The following TSPAN9 variants were observed in gnomAD, a reference collection of about 807,000 sequenced individuals.
TSPAN9 encodes the protein tetraspanin-9.
Under a neutral mutation model 31.0 loss-of-function variants are expected in TSPAN9, and 16 were observed. The ratio of observed to expected loss-of-function variants is 0.52; its 90% CI spans 0.35 to 0.78. The LOEUF is 0.78. TSPAN9 is among the 30% of genes least tolerant of loss of function. The probability of loss-of-function intolerance (pLI) is 0.01; values close to 1 mark genes in which losing one functional copy is unlikely to be tolerated. For synonymous variants in TSPAN9, 145 were observed against 121.6 expected (o/e 1.19, Z -1.27); for missense variants, 272 against 312.5 (o/e 0.87, Z 0.98).
intron 2 of TSPAN9, among the ~76,000 whole-genome samples, chr12:3,155,068 G>C (rs2098341550): frequency 6.6e-6 from 1 of 151,908 alleles, no homozygotes; most frequent in Non-Finnish European, 1.5e-5. Context: ...CTGATTTTTG[G>C]GTAAAATCTC....
chr12:3,140,306 T>G (rs899629384), intron 2 of TSPAN9, among the ~76,000 whole-genome samples: 1 of 152,012 alleles, frequency 6.6e-6, no homozygotes. Flanking sequence ...CAAGGAAACT[T>G]GTAGGGATTT....
intron 3 of TSPAN9, among the ~76,000 whole-genome samples, chr12:3,202,393 T>G (rs1383585955): frequency 6.6e-6 from 1 of 152,174 alleles, no homozygotes; most frequent in East Asian, 1.9e-4. Flanking sequence ...CATTCAGCTT[T>G]TGTGTGGAGT....
At chr12:3,104,944 G>T (rs1248004717) in intron 2 of TSPAN9, among the ~76,000 whole-genome samples, 1 of 152,206 alleles carries the variant, frequency 6.6e-6, no homozygotes, top group Non-Finnish European at 1.5e-5. Flanking sequence ...TGATGGGCAG[G>T]GGGACCCTGT....
rs1314949556 is a variant in TSPAN9, at chr12:3,283,189, G to C, written c.*73G>C. 1.3e-6 allele frequency: 2 copies of C among 1,512,898 alleles called. No homozygotes were observed. Among genetic ancestry groups the C allele is most frequent in the African/African-American group, 2.7e-5 (2 of 73,062 alleles). 93.7% of individuals were successfully genotyped at this position (1,512,898 alleles called of 1,614,324 possible). ...AAGAGGATTGAGCTTTGTGTCACCT[G>C]CCTGCGCTCTCCAGATATGACCCCT... On this transcript the variant is annotated 3_prime_UTR_variant, in exon 9 of 9. Transcript: ENST00000011898.
At chr12:3,090,238 C>T (rs1163895746) in intron 2 of TSPAN9, among the ~76,000 whole-genome samples, 2 of 152,190 alleles carry the variant, frequency 1.3e-5, no homozygotes, top group African/African-American at 2.4e-5. Context: ...CGCAGACTTG[C>T]TGAATGGATT....
intron 3 of TSPAN9, 22 bp downstream of exon 3, chr12:3,201,278 T>C (rs766260176): frequency 1.2e-6 from 2 of 1,610,078 alleles, no homozygotes; most frequent in Non-Finnish European, 1.7e-6. Context: ...CGTTTCTCTC[T>C]CCCTTCGCCC....
At chr12:3,181,447 G>A (rs2098358550) in intron 2 of TSPAN9, among the ~76,000 whole-genome samples, 1 of 152,098 alleles carries the variant, frequency 6.6e-6, no homozygotes, top group Non-Finnish European at 1.5e-5. Context: ...CACCTCATCC[G>A]CATCTCTCAG....
intron 2 of TSPAN9, among the ~76,000 whole-genome samples, chr12:3,153,017 G>A (rs532523680): frequency 1.3e-5 from 2 of 152,244 alleles, no homozygotes; most frequent in Non-Finnish European, 2.9e-5. Context: ...TGCTCAGTGC[G>A]AACGCTGAGC....
intron 2 of TSPAN9, among the ~76,000 whole-genome samples, chr12:3,145,140 C>T (rs977629078): frequency 2.6e-5 from 4 of 152,184 alleles, no homozygotes; most frequent in Non-Finnish European, 5.9e-5. Context: ...TGCAGCAGCC[C>T]TCGGCGTCCT....
intron 2 of TSPAN9, among the ~76,000 whole-genome samples, chr12:3,108,455 G>A (rs2098315780): frequency 6.6e-6 from 1 of 152,164 alleles, no homozygotes; most frequent in Admixed American, 6.5e-5. Flanking sequence ...AGGTAGCATG[G>A]CTTTTCTCTC....
chr12:3,100,890 A>G (rs191854156), intron 2 of TSPAN9, among the ~76,000 whole-genome samples: 6 of 152,338 alleles, frequency 3.9e-5, no homozygotes, highest in Admixed American at 1.3e-4. Flanking sequence ...TAGGTGGCCA[A>G]TGTTTGTTGA....
intron 3 of TSPAN9, among the ~76,000 whole-genome samples, chr12:3,243,643 C>T (rs551646576): frequency 2.0e-5 from 3 of 152,250 alleles, no homozygotes; most frequent in Admixed American, 1.3e-4. Flanking sequence ...AGGCATCGGC[C>T]CTCCTGCTGT....
At chr12:3,133,842 T>G (rs759495364) in intron 2 of TSPAN9, among the ~76,000 whole-genome samples, 3 of 152,168 alleles carry the variant, frequency 2.0e-5, no homozygotes, top group Non-Finnish European at 2.9e-5. Flanking sequence ...CATCACCTCT[T>G]GATCACCCAC....
At chr12:3,242,457 G>A (rs1216984956) in intron 3 of TSPAN9, among the ~76,000 whole-genome samples, 2 of 152,352 alleles carry the variant, frequency 1.3e-5, no homozygotes, top group Non-Finnish European at 1.5e-5. Flanking sequence ...GCAATAGCCT[G>A]GACATGTGAC....
Position 3,080,625 on chromosome 12 carries a change from C to A in TSPAN9, c.-84-3028C>A, listed in dbSNP as rs189740826. ...TGCTGGGATTACAAGCATGAGCCAC[C>A]GCGCCTGGCAAATGTAAAATCTTAA... is the stretch of plus-strand genomic sequence containing the variant. On this transcript the variant is annotated intron_variant, in intron 1 of 8. Coordinates refer to ENST00000011898, the MANE Select transcript of TSPAN9 (RefSeq NM_006675.5). 2.9e-4 allele frequency among the ~76,000 whole-genome samples: 44 copies of A among 152,310 alleles called. No homozygotes were observed. In the East Asian group the frequency reaches 7.1e-3, roughly 25 times the overall value.
At chr12:3,234,388 C>G (rs952483966) in intron 3 of TSPAN9, among the ~76,000 whole-genome samples, 2 of 152,162 alleles carry the variant, frequency 1.3e-5, no homozygotes, top group African/African-American at 4.8e-5. Context: ...GCCTTGAGGG[C>G]AGGGCCTTTG....
Position 3,241,685 on chromosome 12 carries a change from G to C in TSPAN9, c.64-36736G>C, listed in dbSNP as rs1402380450. 2.0e-5 allele frequency among the ~76,000 whole-genome samples: 3 copies of C among 152,230 alleles called. 1 individual carries two copies. ...ATCCCAGTCATGGTCAGCATGGTGG[G>C]TGTGGGCTCTGAGCCGTGACAGGCG... On this transcript the variant is annotated intron_variant, in intron 3 of 8. Coordinates refer to ENST00000011898, the MANE Select transcript of TSPAN9 (RefSeq NM_006675.5).
chr12:3,112,901 G>A (rs888316888), intron 2 of TSPAN9, among the ~76,000 whole-genome samples: 4 of 151,818 alleles, frequency 2.6e-5, no homozygotes, highest in Non-Finnish European at 5.9e-5. Context: ...GGTTGGTCTC[G>A]AACTCCTGGC....
intron 3 of TSPAN9, among the ~76,000 whole-genome samples, chr12:3,276,007 C>T (rs532176473): frequency 3.9e-4 from 59 of 152,340 alleles, no homozygotes; most frequent in African/African-American, 1.4e-3. Flanking sequence ...GACCATTTCT[C>T]ACCGCTCCTC....
Sources: allele counts gnomAD v4.1 joint callset (sites outside exome capture counted in the v4.1 genomes callset), GRCh38; gene constraint gnomAD v4.1.1; transcripts MANE v1.5; gene names NCBI Gene and HGNC (gene_info 2026-07-23, HGNC 2026-07-21).